SHCBP1L: variants seen among roughly 807,000 people sequenced by gnomAD.
SHCBP1L encodes the protein SHC binding and spindle associated 1 like, also known as testicular spindle-associated protein SHCBP1L.
SHCBP1L carries 67 observed loss-of-function variants against 62.5 expected under a neutral mutation model. That is an observed-to-expected ratio of 1.07 (90% confidence interval 0.88 to 1.31). The LOEUF (loss-of-function observed/expected upper bound fraction) is 1.31, where lower values mean the gene tolerates loss of function less well. Ranked by LOEUF, SHCBP1L falls within the 40% of genes most tolerant of loss-of-function variation. The pLI is 0.00. For missense variants in SHCBP1L, 823 were observed against 809.8 expected (o/e 1.02, Z -0.20); for synonymous variants, 284 against 289.4 (o/e 0.98, Z 0.19).
In SHCBP1L at chr1:182,901,419, T is replaced by C. The variant is rs1408652294; in HGVS notation, c.1711-1185A>G. ...TTGCGGTGAGCTGAGATCGCGCCATTACACTCCAGCCTGGGCAACAAGAGC... is the reference window on the plus strand; with the variant it reads ...TTGCGGTGAGCTGAGATCGCGCCATCACACTCCAGCCTGGGCAACAAGAGC... On this transcript the variant is annotated intron_variant, in intron 9 of 9. Transcript: ENST00000367547. Among the ~76,000 whole-genome samples the C allele has an allele frequency of 3.9e-5, 6 of 152,120 alleles. No individual in the cohort carries two copies. The South Asian group carries it at 1.2e-3, about 31-fold the overall frequency.
chr1:182,903,131 T>C lies in SHCBP1L; in HGVS notation c.1618A>G (p.Ile540Val), dbSNP rs371451712. ...ATTTCATTTCTTTCCAAAATAGCTA[T>C]GCTTCCAGGATACAGTTCAACACCA... ...GAGVELYPGSIAILERNEIHH... is the reference protein window; with the variant it reads ...GAGVELYPGSVAILERNEIHH... The change falls in exon 9 of 10, where the codon ATA becomes GTA. Residue 540 changes from isoleucine (I) to valine (V), a missense_variant. Physicochemically the swap from Ile to Val is conservative, Grantham distance 29. Coordinates refer to ENST00000367547, the MANE Select transcript of SHCBP1L (RefSeq NM_030933.4). 7.5e-6 allele frequency: 12 copies of C among 1,601,682 alleles called. No homozygotes were observed. The highest frequency in any genetic ancestry group is 1.3e-5 in the African/African-American group (1 of 74,562).
rs777537740 is a variant in SHCBP1L at position 182,905,521 on chromosome 1, C to T, written c.1311G>A (p.Leu437=). ...CCTTTATAATGATGTCATCTGTCAACAAAGCAAGATTTGCAGCTTGATATT... is the reference window on the plus strand; with the variant it reads ...CCTTTATAATGATGTCATCTGTCAATAAAGCAAGATTTGCAGCTTGATATT... ...PGEYQAANLA[L]LTDDIIIKGV... The change falls in exon 7 of 10, where the codon TTG becomes TTA. Residue 437 remains leucine (L), a synonymous_variant. Transcript: ENST00000367547. 17 of 1,613,530 alleles carry T rather than the reference C, an allele frequency of 1.1e-5. No homozygotes were observed. The East Asian group carries it at 1.8e-4, about 17-fold the overall frequency.
At chr1:182,947,728 T>C (rs1651610530) in intron 2 of SHCBP1L, among the ~76,000 whole-genome samples, 2 of 152,216 alleles carry the variant, frequency 1.3e-5, no homozygotes, top group Non-Finnish European at 2.9e-5. Context: ...TTCTCTTCCT[T>C]ATGATTTTTC....
At chr1:182,913,910 G>A (rs999995530) in intron 6 of SHCBP1L, among the ~76,000 whole-genome samples, 24 of 152,328 alleles carry the variant, frequency 1.6e-4, no homozygotes, top group African/African-American at 5.5e-4. Flanking sequence ...GAACCTGGGA[G>A]GCAGAGGTTG....
chr1:182,942,131 G>A, intron 2 of SHCBP1L: 1 of 890,722 alleles, frequency 1.1e-6, no homozygotes, highest in Admixed American at 1.7e-5. Flanking sequence ...TTTCTCTCCT[G>A]CTTCATCAGA....
chr1:182,915,161 C>CATAA (rs1650314972), intron 6 of SHCBP1L, among the ~76,000 whole-genome samples: 1 of 31,888 alleles, frequency 3.1e-5, no homozygotes, highest in Non-Finnish European at 7.0e-5. Context: ...GACTCTGTCT[C>CATAA]AAAAAAAAAA....
intron 6 of SHCBP1L, among the ~76,000 whole-genome samples, chr1:182,925,047 A>AG (rs1650697177): frequency 6.7e-6 from 1 of 148,718 alleles, no homozygotes; most frequent in Non-Finnish European, 1.5e-5. Flanking sequence ...AAGGAAGGGA[A>AG]GAAAGGGAAG....
intron 2 of SHCBP1L, among the ~76,000 whole-genome samples, chr1:182,941,893 G>T (rs1651379737): frequency 6.6e-6 from 1 of 151,922 alleles, no homozygotes; most frequent in African/African-American, 2.4e-5. Flanking sequence ...TTTTCTGGTT[G>T]TACCAAAAAA....
At chr1:182,915,388 A>T (rs904391162) in intron 6 of SHCBP1L, among the ~76,000 whole-genome samples, 10 of 152,150 alleles carry the variant, frequency 6.6e-5, no homozygotes, top group African/African-American at 2.4e-4. Context: ...TTCATCAAGA[A>T]GATGTACCAA....
intron 6 of SHCBP1L, among the ~76,000 whole-genome samples, chr1:182,916,633 A>C (rs1385364855): frequency 6.6e-6 from 1 of 152,172 alleles, no homozygotes; most frequent in African/African-American, 2.4e-5. Flanking sequence ...TTTCATACCA[A>C]CAAAAATTAA....
At chr1:182,941,463 T>G (rs1376088757) in intron 2 of SHCBP1L, among the ~76,000 whole-genome samples, 1 of 152,136 alleles carries the variant, frequency 6.6e-6, no homozygotes, top group East Asian at 1.9e-4. Flanking sequence ...GGAAGCAAAT[T>G]TTCTTTAAGA....
At chr1:182,952,223 TATATATATATATAC>T (rs1426088070) in intron 1 of SHCBP1L, among the ~76,000 whole-genome samples, 318 of 63,954 alleles carry the variant, frequency 5.0e-3, no homozygotes, top group East Asian at 0.018. Flanking sequence ...TATATATATA[TATATATATATATAC>T]ACACACACAC....
intron 6 of SHCBP1L, among the ~76,000 whole-genome samples, chr1:182,915,097 A>C (rs1235766808): frequency 7.3e-6 from 1 of 136,618 alleles, no homozygotes; most frequent in African/African-American, 2.7e-5. Flanking sequence ...GGGAGGCGGA[A>C]GTTGCAGTGA....
rs992528424 is a variant in SHCBP1L at position 182,902,178 on chromosome 1, T to C, written c.1710+861A>G. ...GATTCTCCTGCCTCAGCCTACTGAA[T>C]AGCTGGGACTACAGGCATATGCCAC... On this transcript the variant is annotated intron_variant, in intron 9 of 9. Transcript: ENST00000367547. 3.3e-5 allele frequency among the ~76,000 whole-genome samples: 5 copies of C among 150,594 alleles called. No homozygotes were observed. In the South Asian group the frequency reaches 8.5e-4, roughly 26 times the overall value.
intron 6 of SHCBP1L, among the ~76,000 whole-genome samples, chr1:182,926,300 G>T (rs757490415): frequency 2.8e-4 from 43 of 152,178 alleles, no homozygotes; most frequent in Admixed American, 1.3e-4. Flanking sequence ...ACAGATGGAA[G>T]AAAACTGATT....
chr1:182,942,465 G>GA, intron 2 of SHCBP1L: 1 of 667,600 alleles, frequency 1.5e-6, no homozygotes, highest in East Asian at 2.8e-5. Flanking sequence ...GAGCCTCCGC[G>GA]AAACTGGGCT....
At position 182,939,158 on chromosome 1, in the gene SHCBP1L, A is replaced by G; in HGVS notation, c.1076+18T>C. ...CATGTAAACTTTTGCTTCTATTTGA[A>G]ATAGAGCAAATTATTACCGGAGGCG... On this transcript the variant is annotated intron_variant, in intron 5 of 9. Transcript: ENST00000367547. The G allele has an allele frequency of 6.3e-7, 1 of 1,589,592 alleles. No homozygotes were observed. Among genetic ancestry groups the G allele is most frequent in the Non-Finnish European group, 8.6e-7 (1 of 1,165,398 alleles).
chr1:182,952,764 A>G lies in SHCBP1L; in HGVS notation c.370T>C (p.Ser124Pro). ...TGCAGCACTTCGTCGCAATACAGCG[A>G]CACCTTCTCGTCCCGCCACATCCCC... Reference protein sequence around the residue: ...MRGMWRDEKVSLYCDEVLQDC... With the variant: ...MRGMWRDEKVPLYCDEVLQDC... Residue 124 changes from serine to proline, a missense_variant, in exon 1 of 10, where the codon TCG (serine) becomes CCG (proline). Transcript: ENST00000367547. The G allele has an allele frequency of 6.2e-7, 1 of 1,611,852 alleles. No homozygotes were observed. The highest frequency in any genetic ancestry group is 2.2e-5 in the East Asian group (1 of 44,642).
intron 2 of SHCBP1L, among the ~76,000 whole-genome samples, chr1:182,948,210 T>C (rs1275633314): frequency 6.6e-6 from 1 of 152,086 alleles, no homozygotes; most frequent in Non-Finnish European, 1.5e-5. Context: ...GTTTCTAAGT[T>C]TTTTGTTTGT....
Sources: allele counts gnomAD v4.1 joint callset (sites outside exome capture counted in the v4.1 genomes callset), GRCh38; gene constraint gnomAD v4.1.1; transcripts MANE v1.5; gene names NCBI Gene and HGNC (gene_info 2026-07-23, HGNC 2026-07-21).